The following PKP2 variants were observed in gnomAD, a reference collection of about 807,000 sequenced individuals.
PKP2 encodes plakophilin-2.
In PKP2, 73 loss-of-function variants were observed where a neutral mutation model predicts 83.4. That is an observed-to-expected ratio of 0.88 (90% CI 0.72 to 1.06). The LOEUF (loss-of-function observed/expected upper bound fraction) is 1.06. Ranked by LOEUF, PKP2 falls within the 50% of genes least tolerant of loss-of-function variation. The probability of loss-of-function intolerance (pLI) is 0.00; values close to 1 mark genes in which losing one functional copy is unlikely to be tolerated. For missense variants in PKP2, 966 were observed against 1,065.4 expected (o/e 0.91, Z 1.30); for synonymous variants, 409 against 430.4 (o/e 0.95, Z 0.62).
At chr12:32,803,955 C>A (rs1251017014) in intron 9 of PKP2, among the ~76,000 whole-genome samples, 3 of 152,042 alleles carry the variant, frequency 2.0e-5, no homozygotes, top group African/African-American at 7.3e-5. Context: ...GATAAGCAAT[C>A]ATTTTCTTAC....
At chr12:32,815,132 T>C (rs1333824372) in intron 9 of PKP2, among the ~76,000 whole-genome samples, 1 of 152,238 alleles carries the variant, frequency 6.6e-6, no homozygotes, top group African/African-American at 2.4e-5. Context: ...GAACTCAATG[T>C]TGCTAGTAAA....
At chr12:32,872,312 C>G (rs1956901908) in intron 3 of PKP2, among the ~76,000 whole-genome samples, 1 of 152,048 alleles carries the variant, frequency 6.6e-6, no homozygotes, top group Admixed American at 6.6e-5. Flanking sequence ...GTGGGTGAAG[C>G]ACCTGAGGTC....
chr12:32,806,232 C>CAGTT (rs1956224636), intron 9 of PKP2, among the ~76,000 whole-genome samples: 1 of 152,100 alleles, frequency 6.6e-6, no homozygotes, highest in African/African-American at 2.4e-5. Flanking sequence ...CTCACACAAT[C>CAGTT]AGTTAGGGAG....
At position 32,877,834 on chromosome 12, in the gene PKP2, G is replaced by A. The variant is rs776617499; in HGVS notation, c.1034+12C>T. 2 of 1,585,882 alleles carry A rather than the reference G, an allele frequency of 1.3e-6. No homozygotes were observed. Among genetic ancestry groups the A allele is most frequent in the South Asian group, 1.1e-5 (1 of 90,394 alleles). Reference sequence around the variant, plus strand: ...GGCAATGACTGAACTGCAGAGTCAGGAGGGGACTTACCCCAGCTGGGAGTC... The same window carrying A: ...GGCAATGACTGAACTGCAGAGTCAGAAGGGGACTTACCCCAGCTGGGAGTC... On this transcript the variant is annotated intron_variant, in intron 3 of 12. Transcript: ENST00000340811.
chr12:32,808,922 G>T (rs1956250922), intron 9 of PKP2, among the ~76,000 whole-genome samples: 1 of 152,234 alleles, frequency 6.6e-6, no homozygotes, highest in South Asian at 2.1e-4. Flanking sequence ...CCCAGGGTGG[G>T]TACTGACCTG....
intron 1 of PKP2, among the ~76,000 whole-genome samples, chr12:32,889,843 G>A (rs1957061772): frequency 6.6e-6 from 1 of 152,106 alleles, no homozygotes; most frequent in Non-Finnish European, 1.5e-5. Context: ...CACTTTGGGA[G>A]GCCGAGGCGG....
At chr12:32,861,888 G>T (rs1488418722) in intron 4 of PKP2, among the ~76,000 whole-genome samples, 1 of 152,090 alleles carries the variant, frequency 6.6e-6, no homozygotes. Context: ...GAAGACAGTG[G>T]AGCAACTTTC....
intron 9 of PKP2, among the ~76,000 whole-genome samples, chr12:32,815,147 T>C (rs1278636070): frequency 1.3e-5 from 2 of 152,214 alleles, no homozygotes; most frequent in Non-Finnish European, 2.9e-5. Context: ...AGTAAACTTG[T>C]TGTCTCTTAA....
intron 3 of PKP2, among the ~76,000 whole-genome samples, chr12:32,877,058 A>G (rs985385436): frequency 6.6e-6 from 1 of 152,208 alleles, no homozygotes; most frequent in Non-Finnish European, 1.5e-5. Flanking sequence ...TCATTAGACA[A>G]CTTTAGCAAT....
At chr12:32,839,494 C>T (rs2137825764) in intron 6 of PKP2, among the ~76,000 whole-genome samples, 1 of 149,786 alleles carries the variant, frequency 6.7e-6, no homozygotes, top group Middle Eastern at 3.5e-3. Context: ...GAAGAGCAAG[C>T]AGAGATGACA....
At chr12:32,817,265 G>A (rs1956328837) in intron 9 of PKP2, among the ~76,000 whole-genome samples, 1 of 152,182 alleles carries the variant, frequency 6.6e-6, no homozygotes, top group African/African-American at 2.4e-5. Context: ...CTTTCACTAT[G>A]TATAAAAATT....
chr12:32,822,701 A>C (rs912043551), intron 7 of PKP2, 70 bp from the exon 8 acceptor site: 1 of 1,538,728 alleles, frequency 6.5e-7, no homozygotes, highest in Non-Finnish European at 9.0e-7. Flanking sequence ...ATCACAGGAC[A>C]CAGGCTTTAG....
At chr12:32,804,815 C>T (rs902939693) in intron 9 of PKP2, among the ~76,000 whole-genome samples, 1 of 152,050 alleles carries the variant, frequency 6.6e-6, no homozygotes, top group Non-Finnish European at 1.5e-5. Flanking sequence ...GGGTATATAC[C>T]CAATAATGGG....
At chr12:32,823,259 C>CA (rs1195545835) in intron 7 of PKP2, among the ~76,000 whole-genome samples, 1 of 151,352 alleles carries the variant, frequency 6.6e-6, no homozygotes, top group Non-Finnish European at 1.5e-5. Context: ...ACTAAAAATA[C>CA]AAAAAAAATT....
At chr12:32,820,061 T>C (rs1165804584) in intron 9 of PKP2, 1 of 152,238 alleles carries the variant, frequency 6.6e-6, no homozygotes, top group Non-Finnish European at 1.5e-5. Context: ...TCCCAGTTTC[T>C]TTCTCAATGT....
chr12:32,886,346 C>A (rs1384077896), intron 1 of PKP2, among the ~76,000 whole-genome samples: 2 of 152,172 alleles, frequency 1.3e-5, no homozygotes, highest in African/African-American at 2.4e-5. Context: ...GACATGGGAT[C>A]TTGCCACTTA....
intron 1 of PKP2, among the ~76,000 whole-genome samples, chr12:32,881,059 C>A (rs1445406879): frequency 6.6e-6 from 1 of 152,084 alleles, no homozygotes; most frequent in Non-Finnish European, 1.5e-5. Context: ...GTTATAAAGA[C>A]AAAATTTCAA....
intron 6 of PKP2, among the ~76,000 whole-genome samples, chr12:32,826,080 G>A (rs908696146): frequency 5.9e-5 from 9 of 151,940 alleles, no homozygotes; most frequent in African/African-American, 2.2e-4. Context: ...CGAGGCAGGC[G>A]GATCATGAGG....
At chr12:32,812,173 G>A (rs767016201) in intron 9 of PKP2, among the ~76,000 whole-genome samples, 2 of 143,626 alleles carry the variant, frequency 1.4e-5, no homozygotes, top group East Asian at 4.1e-4. Context: ...GTGTGCCTGC[G>A]TTTTGACTGT....
Sources: allele counts gnomAD v4.1 joint callset (sites outside exome capture counted in the v4.1 genomes callset), GRCh38; gene constraint gnomAD v4.1.1; transcripts MANE v1.5; gene names NCBI Gene and HGNC (gene_info 2026-07-23, HGNC 2026-07-21).